The following MYT1L variants were observed in gnomAD, a reference collection of about 807,000 sequenced individuals.
MYT1L encodes the protein myelin transcription factor 1 like, also known as myelin transcription factor 1-like protein.
Under a neutral mutation model 126.7 loss-of-function variants are expected in MYT1L, and 12 were observed. The ratio of observed to expected loss-of-function variants is 0.09; its 90% CI spans 0.06 to 0.15. The LOEUF (loss-of-function observed/expected upper bound fraction) is 0.15. Among genes scored for constraint, MYT1L ranks in the 10% least tolerant of loss-of-function variants. The pLI, the probability that MYT1L is intolerant of heterozygous loss-of-function variation, is 1.00. For missense variants in MYT1L, 979 were observed against 1,585.2 expected, an observed-to-expected ratio of 0.62 and a Z score of 6.49; for synonymous variants, 541 against 604.2, an observed-to-expected ratio of 0.90 and a Z score of 1.53.
intron 1 of MYT1L, chr2:2,323,954 A>G (rs2096210617): frequency 6.6e-6 from 1 of 152,226 alleles, no homozygotes; most frequent in Non-Finnish European, 1.5e-5. Flanking sequence ...AATTAAACAC[A>G]TTGAATAATG....
intron 18 of MYT1L, among the ~76,000 whole-genome samples, chr2:1,876,322 C>T (rs936490066): frequency 1.3e-5 from 2 of 152,152 alleles, no homozygotes; most frequent in Admixed American, 6.5e-5. Flanking sequence ...TTGGCATCCT[C>T]GTCTGTCAAC....
chr2:1,848,090 C>T lies in MYT1L; in HGVS notation c.2774+3551G>A, dbSNP rs1057236678. On this transcript the variant is annotated intron_variant, in intron 19 of 24. Transcript: ENST00000647738. The surrounding 1 kb of genome is among the most constrained non-coding windows in gnomAD (Gnocchi z 4.8). ...CCTCAAATTCAAAAGTTAATGAAATCGCTAATTCTCAGCGCATCTGTGGAG... is the reference window on the plus strand; with the variant it reads ...CCTCAAATTCAAAAGTTAATGAAATTGCTAATTCTCAGCGCATCTGTGGAG... Among the ~76,000 whole-genome samples the T allele has an allele frequency of 1.3e-5, 2 of 152,170 alleles. No homozygotes were observed. The highest frequency in any genetic ancestry group is 1.5e-5 in the Non-Finnish European group (1 of 68,032).
chr2:2,176,892 G>C lies in MYT1L; in HGVS notation c.-420-3904C>G, dbSNP rs528230717. ...AAAAGGACACCAGCAAATGCAATTT[G>C]TAACCTGGAAGTATGTATAGATAAA... On this transcript the variant is annotated intron_variant, in intron 2 of 24. Coordinates refer to ENST00000647738, the MANE Select transcript of MYT1L (RefSeq NM_001303052.2). Among the ~76,000 whole-genome samples, 97 of 152,316 alleles carry C rather than the reference G, an allele frequency of 6.4e-4. No individual in the cohort carries two copies. The South Asian group carries it at 0.02, about 31-fold the overall frequency.
chr2:2,194,187 T>G (rs1483877087), intron 2 of MYT1L, among the ~76,000 whole-genome samples: 4 of 152,120 alleles, frequency 2.6e-5, no homozygotes, highest in African/African-American at 9.6e-5. Flanking sequence ...TCAAGTGATC[T>G]TCCCACCTTA....
chr2:1,877,019 C>T (rs1203475451), intron 18 of MYT1L, among the ~76,000 whole-genome samples: 1 of 152,314 alleles, frequency 6.6e-6, no homozygotes, highest in Non-Finnish European at 1.5e-5. Flanking sequence ...GAACACCACA[C>T]AGTCAGTCCG....
At chr2:1,919,939 C>T (rs2053356904) in intron 10 of MYT1L, among the ~76,000 whole-genome samples, 4 of 150,486 alleles carry the variant, frequency 2.7e-5, no homozygotes, top group Admixed American at 2.0e-4. Context: ...AGGATGGTCT[C>T]GATCTCCTGA....
In MYT1L at chr2:2,039,746, T is replaced by G. The variant is rs537370759; in HGVS notation, c.-158+14232A>C. On this transcript the variant is annotated intron_variant, in intron 4 of 24. Transcript: ENST00000647738. ...GAAGTTGAGCTCACACAGGCATGCC[T>G]GCATCAGCCCGCTCATGCTTCCTCC... Among the ~76,000 whole-genome samples the G allele has an allele frequency of 7.9e-5, 12 of 152,330 alleles. No individual in the cohort carries two copies. The South Asian group carries it at 2.5e-3, about 32-fold the overall frequency.
At chr2:1,805,497 A>G (rs2035550632) in intron 22 of MYT1L, among the ~76,000 whole-genome samples, 1 of 152,216 alleles carries the variant, frequency 6.6e-6, no homozygotes, top group East Asian at 1.9e-4. Context: ...CACGCCTATA[A>G]TCCCAGCACT....
intron 22 of MYT1L, among the ~76,000 whole-genome samples, chr2:1,805,686 G>C (rs956021423): frequency 2.6e-5 from 4 of 152,210 alleles, no homozygotes; most frequent in Admixed American, 2.6e-4. Flanking sequence ...AGGAGTTTGA[G>C]AGCAGCCTGG....
At chr2:2,096,629 G>T (rs114692181) in intron 3 of MYT1L, among the ~76,000 whole-genome samples, 2,917 of 152,250 alleles carry the variant, frequency 0.019, 93 homozygotes, top group African/African-American at 0.065. Flanking sequence ...AGGAGCCTTG[G>T]TGAAAGGCTC....
intron 2 of MYT1L, among the ~76,000 whole-genome samples, chr2:2,252,688 T>A (rs574899420): frequency 6.6e-6 from 1 of 152,184 alleles, no homozygotes; most frequent in South Asian, 2.1e-4. Context: ...AGCTCCCCTG[T>A]CCCCACCACC....
chr2:2,068,472 C>T (rs371402341), intron 3 of MYT1L, among the ~76,000 whole-genome samples: 28 of 152,194 alleles, frequency 1.8e-4, no homozygotes, highest in African/African-American at 5.8e-4. Context: ...AAAGAATTCA[C>T]GGGAAGAGAG....
chr2:1,862,651 T>C (rs538038616), intron 18 of MYT1L, among the ~76,000 whole-genome samples: 1 of 152,344 alleles, frequency 6.6e-6, no homozygotes, highest in Admixed American at 6.5e-5. Context: ...TAGCCATCCA[T>C]AGCAGTTGCT....
Position 1,979,363 on chromosome 2 carries a change from G to A in MYT1L, c.90-136C>T. The A allele has an allele frequency of 1.8e-6, 2 of 1,102,214 alleles. No individual in the cohort carries two copies. Among genetic ancestry groups the A allele is most frequent in the South Asian group, 2.6e-5 (2 of 75,578 alleles). 68.3% of individuals were successfully genotyped at this position (1,102,214 alleles called of 1,614,324 possible). ...ACAATCCAAAGGAGGGGGAAATTCG[G>A]GGAGGCTTTTTACGAGCAAGTCTCG... On this transcript the variant is annotated intron_variant, in intron 7 of 24. Transcript: ENST00000647738. This position sits in a 1 kb window ranked among gnomAD's most constrained non-coding sequence, Gnocchi z 4.0.
At chr2:2,009,800 A>C (rs1308272556) in intron 4 of MYT1L, among the ~76,000 whole-genome samples, 2 of 151,968 alleles carry the variant, frequency 1.3e-5, no homozygotes, top group Non-Finnish European at 2.9e-5. Context: ...TTAGTGGCAA[A>C]GTTTCAGTTG....
intron 2 of MYT1L, among the ~76,000 whole-genome samples, chr2:2,253,298 TC>T (rs2094707481): frequency 6.6e-6 from 1 of 152,234 alleles, no homozygotes; most frequent in Non-Finnish European, 1.5e-5. Flanking sequence ...CTCGCTGGCT[TC>T]CACACAGTGA....
chr2:2,214,376 C>T (rs569452602), intron 2 of MYT1L, among the ~76,000 whole-genome samples: 1 of 151,604 alleles, frequency 6.6e-6, no homozygotes. Flanking sequence ...AAATAATGAA[C>T]AAAACCCAAA....
chr2:1,920,672 T>C (rs2053455166), intron 10 of MYT1L, among the ~76,000 whole-genome samples: 1 of 152,212 alleles, frequency 6.6e-6, no homozygotes, highest in Non-Finnish European at 1.5e-5. Context: ...AAAATAAAAA[T>C]GTTTCATTCC....
At position 1,917,422 on chromosome 2, in the gene MYT1L, T is replaced by C. The variant is rs2053000077; in HGVS notation, c.1484-83A>G. On this transcript the variant is annotated intron_variant, in intron 10 of 24. Coordinates refer to ENST00000647738, the MANE Select transcript of MYT1L (RefSeq NM_001303052.2). This position sits in a 1 kb window ranked among gnomAD's most constrained non-coding sequence, Gnocchi z 5.9. The stretch of plus-strand genomic sequence containing the variant: ...ATTATTTCACAATCTGAAGAAACCT[T>C]GCTAAAGAAAGAAATAAAGCAGGTG... 6.1e-6 allele frequency: 9 copies of C among 1,483,570 alleles called. No homozygotes were observed. The highest frequency in any genetic ancestry group is 8.2e-6 in the Non-Finnish European group (9 of 1,096,720). 91.9% of individuals were successfully genotyped at this position (1,483,570 alleles called of 1,614,324 possible). A position where few individuals can be genotyped will look rare whatever the true frequency, so the allele number is the denominator to read the frequency against.
Sources: allele counts gnomAD v4.1 joint callset (sites outside exome capture counted in the v4.1 genomes callset), GRCh38; gene constraint gnomAD v4.1.1; non-coding constraint Gnocchi (gnomAD v3.1); transcripts MANE v1.5; gene names NCBI Gene and HGNC (gene_info 2026-07-23, HGNC 2026-07-21).